The following WDR25 variants were observed in gnomAD, a reference collection of about 807,000 sequenced individuals.
WDR25 encodes WD repeat-containing protein 25.
A neutral mutation model predicts 47.7 loss-of-function variants in WDR25; 35 were observed. The observed-to-expected ratio is 0.73, with a 90% CI of 0.56 to 0.97. The LOEUF (loss-of-function observed/expected upper bound fraction) is 0.97, where lower values mean the gene tolerates loss of function less well. Among genes scored for constraint, WDR25 ranks in the 50% least tolerant of loss-of-function variants. WDR25 has a pLI of 0.00. For missense variants in WDR25, 634 were observed against 704.7 expected, an observed-to-expected ratio of 0.90 and a Z score of 1.14; for synonymous variants, 248 against 278.9, an observed-to-expected ratio of 0.89 and a Z score of 1.10.
chr14:100,468,087 G>T lies in WDR25; in HGVS notation c.889G>T (p.Ala297Ser), dbSNP rs375715238. The T allele has an allele frequency of 9.8e-5, 158 of 1,613,350 alleles. No individual in the cohort carries two copies. Among genetic ancestry groups the T allele is most frequent in the Admixed American group, 2.3e-4 (14 of 60,004 alleles). Reference sequence around the variant, plus strand: ...CTCCCTGCACACAGAGGCAGTGCGGGCCGCCCGGTGGGCTCCCTGTGGCCG... The same window carrying T: ...CTCCCTGCACACAGAGGCAGTGCGGTCCGCCCGGTGGGCTCCCTGTGGCCG... ...TYSLHTEAVRAARWAPCGRRI... is the reference protein window; with the variant it reads ...TYSLHTEAVRSARWAPCGRRI... The change falls in exon 3 of 7, where the codon GCC becomes TCC. Residue 297 changes from alanine to serine, a missense_variant. Physicochemically the swap from Ala to Ser is moderately conservative, Grantham distance 99. Transcript: ENST00000402312. This position sits in a 1 kb window ranked among gnomAD's most constrained non-coding sequence, Gnocchi z 4.5.
Position 100,477,100 on chromosome 14 carries a change from G to T in WDR25, c.971-6894G>T, listed in dbSNP as rs558823320. Among the ~76,000 whole-genome samples the T allele has an allele frequency of 9.8e-5, 15 of 152,288 alleles. No individual in the cohort carries two copies. In the South Asian group the frequency reaches 3.1e-3, roughly 32 times the overall value. ...CAGGTGGTGCTGCCCCGGCCACATG[G>T]TTGGTCACTTTGGGAAGCTGGATAT... On this transcript the variant is annotated intron_variant, in intron 3 of 6. Coordinates refer to ENST00000402312, the MANE Select transcript of WDR25 (RefSeq NM_001161476.3).
chr14:100,410,280 G>T (rs1010486801), intron 2 of WDR25, among the ~76,000 whole-genome samples: 1 of 152,170 alleles, frequency 6.6e-6, no homozygotes, highest in Non-Finnish European at 1.5e-5. Context: ...GGAATCTGGA[G>T]TGAGGGTGTA....
At chr14:100,456,307 C>T (rs1899202050) in intron 2 of WDR25, among the ~76,000 whole-genome samples, 1 of 152,126 alleles carries the variant, frequency 6.6e-6, no homozygotes, top group Non-Finnish European at 1.5e-5. Flanking sequence ...TTGTGCCACC[C>T]AGGCTGGAGT....
chr14:100,497,465 A>AAAAAAGAAACAAAACAAAAAC (rs1900770980), intron 4 of WDR25, among the ~76,000 whole-genome samples: 1 of 152,226 alleles, frequency 6.6e-6, no homozygotes, highest in Non-Finnish European at 1.5e-5. Context: ...AAAAAATAAG[A>AAAAAAGAAACAAAACAAAAAC]AAAAAGAAAC....
At chr14:100,388,823 G>A (rs1384461549) in intron 2 of WDR25, among the ~76,000 whole-genome samples, 1 of 152,196 alleles carries the variant, frequency 6.6e-6, no homozygotes, top group African/African-American at 2.4e-5. Flanking sequence ...AGTGTACCAA[G>A]GGCGGGGCCT....
chr14:100,494,866 G>A (rs1900681649), intron 4 of WDR25, among the ~76,000 whole-genome samples: 1 of 152,180 alleles, frequency 6.6e-6, no homozygotes, highest in Non-Finnish European at 1.5e-5. Flanking sequence ...TTTCTCTGCA[G>A]TACAGACCTC....
chr14:100,457,374 T>C (rs1899240018), intron 2 of WDR25, among the ~76,000 whole-genome samples: 1 of 152,162 alleles, frequency 6.6e-6, no homozygotes, highest in Non-Finnish European at 1.5e-5. Context: ...TCATTGGAAA[T>C]ACTGCCAGAA....
intron 4 of WDR25, among the ~76,000 whole-genome samples, chr14:100,510,026 T>A (rs1361194931): frequency 6.6e-6 from 1 of 152,066 alleles, no homozygotes; most frequent in Non-Finnish European, 1.5e-5. Context: ...ACCCCAGCAC[T>A]TTGGGAGGCT....
At chr14:100,508,521 T>C (rs1901192677) in intron 4 of WDR25, among the ~76,000 whole-genome samples, 1 of 152,234 alleles carries the variant, frequency 6.6e-6, no homozygotes, top group African/African-American at 2.4e-5. Flanking sequence ...TTTCCTAGAT[T>C]ACTTAGAAAT....
At chr14:100,403,219 T>A (rs1244811564) in intron 2 of WDR25, among the ~76,000 whole-genome samples, 2 of 152,210 alleles carry the variant, frequency 1.3e-5, no homozygotes, top group Non-Finnish European at 2.9e-5. Context: ...TGAGTCGTGC[T>A]CCCATGCTCT....
Position 100,530,094 on chromosome 14 carries a change from T to C in WDR25, c.*53T>C. The C allele has an allele frequency of 1.3e-6, 2 of 1,551,188 alleles. No homozygotes were observed. The highest frequency in any genetic ancestry group is 1.8e-6 in the Non-Finnish European group (2 of 1,140,190). On this transcript the variant is annotated 3_prime_UTR_variant, in exon 7 of 7. Transcript: ENST00000402312. ...CCAGCTGGGCTCTTGGACTCCCCTC[T>C]TCCTCAAGGGTAGATGAGAGGAACG... is the stretch of plus-strand genomic sequence containing the variant.
At chr14:100,408,315 C>G (rs1021403760) in intron 2 of WDR25, among the ~76,000 whole-genome samples, 4 of 152,122 alleles carry the variant, frequency 2.6e-5, no homozygotes, top group African/African-American at 9.7e-5. Flanking sequence ...CCCACAATTT[C>G]AGTATCAATG....
At chr14:100,408,817 A>G (rs368183271) in intron 2 of WDR25, among the ~76,000 whole-genome samples, 6 of 152,082 alleles carry the variant, frequency 3.9e-5, no homozygotes, top group African/African-American at 1.2e-4. Flanking sequence ...TATGTGAATT[A>G]TTTTCCCTTT....
chr14:100,519,238 T>G (rs190351848), intron 4 of WDR25, among the ~76,000 whole-genome samples: 1,696 of 150,594 alleles, frequency 0.011, 15 homozygotes, highest in Middle Eastern at 0.031. Flanking sequence ...CAGAGTTTTT[T>G]TGTGTGTGTG....
intron 4 of WDR25, among the ~76,000 whole-genome samples, chr14:100,508,456 A>G (rs1321584928): frequency 1.3e-5 from 2 of 152,190 alleles, no homozygotes; most frequent in African/African-American, 2.4e-5. Context: ...ACTCTTTTAT[A>G]TGGACTGTGT....
At chr14:100,413,365 G>T (rs1897765816) in intron 2 of WDR25, among the ~76,000 whole-genome samples, 1 of 151,030 alleles carries the variant, frequency 6.6e-6, no homozygotes, top group South Asian at 2.1e-4. Flanking sequence ...CCACAGATCT[G>T]CTTCTCTCAT....
intron 3 of WDR25, among the ~76,000 whole-genome samples, chr14:100,479,312 G>A (rs967037075): frequency 6.6e-6 from 1 of 152,084 alleles, no homozygotes; most frequent in African/African-American, 2.4e-5. Flanking sequence ...GTCATATCAC[G>A]GTTGGTTTCT....
In WDR25 at chr14:100,526,316, G is replaced by A. The variant is rs111308146; in HGVS notation, c.1272+276G>A. ...GGTTCAGTCCAGATCAATGGGGAAC[G>A]TGGCAGTGCAACCTGAGAAACCCCA... On this transcript the variant is annotated intron_variant, in intron 5 of 6. Coordinates refer to ENST00000402312, the MANE Select transcript of WDR25 (RefSeq NM_001161476.3). Among the ~76,000 whole-genome samples the A allele has an allele frequency of 2.5e-3, 375 of 152,252 alleles. 3 individuals carry two copies. Among genetic ancestry groups the A allele is most frequent in the African/African-American group, 8.9e-3 (368 of 41,540 alleles).
chr14:100,476,434 CT>C (rs1275120386), intron 3 of WDR25: 1 of 152,224 alleles, frequency 6.6e-6, no homozygotes, highest in African/African-American at 2.4e-5. Context: ...AGTCATATGC[CT>C]ACTGCCTGGA....
Sources: gnomAD v4.1 joint callset for allele counts (sites outside exome capture counted in the v4.1 genomes callset) on GRCh38, gnomAD v4.1.1 for gene constraint, Gnocchi (gnomAD v3.1) non-coding constraint, MANE v1.5 for transcripts, NCBI Gene and HGNC (gene_info 2026-07-23, HGNC 2026-07-21) for gene names.